Variants in DPP6 observed in about 807,000 individuals in gnomAD.
The protein encoded by DPP6 is dipeptidyl peptidase like 6, also known as A-type potassium channel modulatory protein DPP6.
A neutral mutation model predicts 122.6 loss-of-function variants in DPP6; 69 were observed. The ratio of observed to expected loss-of-function variants is 0.56; its 90% CI spans 0.46 to 0.69. The LOEUF (loss-of-function observed/expected upper bound fraction) is 0.69, where lower values mean the gene tolerates loss of function less well. Among genes scored for constraint, DPP6 ranks in the 30% least tolerant of loss-of-function variants. The probability of loss-of-function intolerance (pLI) is 0.00; values close to 1 mark genes in which losing one functional copy is unlikely to be tolerated. For synonymous variants in DPP6, 418 were observed against 433.1 expected, an observed-to-expected ratio of 0.97 and a Z score of 0.43; for missense variants, 928 against 1,116.9, an observed-to-expected ratio of 0.83 and a Z score of 2.41.
intron 1 of DPP6, among the ~76,000 whole-genome samples, chr7:154,399,055 GCA>G (rs1209498313): frequency 6.6e-6 from 1 of 152,148 alleles, no homozygotes; most frequent in Admixed American, 6.5e-5. Context: ...ACAATGAATA[GCA>G]TATTTAAAAC....
At chr7:154,132,270 C>T (rs1353394784) in intron 1 of DPP6, among the ~76,000 whole-genome samples, 2 of 152,162 alleles carry the variant, frequency 1.3e-5, no homozygotes, top group Non-Finnish European at 2.9e-5. Context: ...TTTCCCTTGG[C>T]TCGCTAAATA....
At chr7:153,778,072 G>A in the DPP6 span, among the ~76,000 whole-genome samples, 1 of 148,984 alleles carries the variant, frequency 6.7e-6, no homozygotes, top group Non-Finnish European at 1.5e-5. Context: ...AAAGAATAGA[G>A]CAAAATGTTA....
chr7:154,413,005 A>G (rs981858057), intron 1 of DPP6, among the ~76,000 whole-genome samples: 7 of 152,246 alleles, frequency 4.6e-5, no homozygotes, highest in African/African-American at 1.7e-4. Context: ...AAGAGGCATC[A>G]GCATCCCCTG....
chr7:154,562,277 G>A (rs545364538), intron 4 of DPP6, among the ~76,000 whole-genome samples: 1 of 152,070 alleles, frequency 6.6e-6, no homozygotes, highest in Non-Finnish European at 1.5e-5. Flanking sequence ...AGCATGCAAG[G>A]TTGGTTTAAC....
chr7:153,949,446 C>A (rs1245030711), intron 1 of DPP6, among the ~76,000 whole-genome samples: 1 of 152,204 alleles, frequency 6.6e-6, no homozygotes, highest in Non-Finnish European at 1.5e-5. Context: ...GGTGCTGGCA[C>A]TGCTTTCAGA....
the DPP6 span, among the ~76,000 whole-genome samples, chr7:153,866,312 C>G: frequency 2.0e-5 from 3 of 152,298 alleles, no homozygotes; most frequent in Non-Finnish European, 2.9e-5. Context: ...TCTCCAGCAC[C>G]TGTTGTTTCC....
intron 17 of DPP6, among the ~76,000 whole-genome samples, chr7:154,859,945 T>A (rs1803222997): frequency 6.6e-6 from 1 of 152,172 alleles, no homozygotes; most frequent in South Asian, 2.1e-4. Context: ...CTACACTGGC[T>A]GACAGCACCC....
intron 1 of DPP6, among the ~76,000 whole-genome samples, chr7:154,358,593 C>T (rs915081657): frequency 6.6e-6 from 1 of 152,140 alleles, no homozygotes; most frequent in Admixed American, 6.5e-5. Context: ...CCTAGGACCT[C>T]TGGGAGAGTT....
intron 17 of DPP6, chr7:154,865,415 A>C (rs1803777420): frequency 6.6e-6 from 1 of 152,210 alleles, no homozygotes; most frequent in African/African-American, 2.4e-5. Context: ...AGATCGAGGC[A>C]CTGGTCTCCT....
At chr7:153,903,586 A>G (rs749909556) in intron 1 of DPP6, among the ~76,000 whole-genome samples, 8 of 152,192 alleles carry the variant, frequency 5.3e-5, no homozygotes, top group Non-Finnish European at 8.8e-5. Flanking sequence ...TTGCTAGACA[A>G]CAAGGATACT....
At position 154,109,843 on chromosome 7, in the gene DPP6, A is replaced by AG. The variant is rs1390124313; in HGVS notation, c.243+56784dup. On this transcript the variant is annotated intron_variant, in intron 1 of 25. Transcript: ENST00000377770. Reference sequence around the variant, plus strand: ...CGTGTTATGATTGTAGAACAAGGAGAGGGGACCCTCCAGTACTCAGTGTCT... The same window carrying AG: ...CGTGTTATGATTGTAGAACAAGGAGAGGGGGACCCTCCAGTACTCAGTGTCT... Among the ~76,000 whole-genome samples the AG allele has an allele frequency of 7.9e-5, 11 of 139,964 alleles. No homozygotes were observed. The East Asian group carries it at 2.3e-3, about 29-fold the overall frequency. 91.8% of individuals were successfully genotyped at this position (139,964 alleles called of 152,430 possible). A position where few individuals can be genotyped will look rare whatever the true frequency, so the allele number is the denominator to read the frequency against.
chr7:153,827,964 C>T, the DPP6 span, among the ~76,000 whole-genome samples: 6 of 152,272 alleles, frequency 3.9e-5, no homozygotes, highest in South Asian at 2.1e-4. Context: ...TCGGAGATAA[C>T]GAGGCCCCTG....
chr7:153,790,001 C>T, the DPP6 span, among the ~76,000 whole-genome samples: 1 of 151,558 alleles, frequency 6.6e-6, no homozygotes, highest in Non-Finnish European at 1.5e-5. Context: ...AATTAGTTAA[C>T]TACAAAATGA....
At chr7:154,320,744 C>T (rs796152153) in intron 1 of DPP6, among the ~76,000 whole-genome samples, 10 of 152,278 alleles carry the variant, frequency 6.6e-5, no homozygotes, top group African/African-American at 2.4e-4. Context: ...CCTCAACCTC[C>T]CAACGTGCTG....
intron 1 of DPP6, among the ~76,000 whole-genome samples, chr7:154,148,556 C>G (rs1426782258): frequency 6.6e-6 from 1 of 151,992 alleles, no homozygotes. Flanking sequence ...GATCTAGAGA[C>G]CCCCAGAGCT....
intron 1 of DPP6, among the ~76,000 whole-genome samples, chr7:154,130,837 A>G (rs1466969444): frequency 6.6e-6 from 1 of 152,118 alleles, no homozygotes; most frequent in East Asian, 1.9e-4. Context: ...AAAATAAAGC[A>G]AGAGTAGCCC....
At chr7:154,306,430 A>G (rs1186223800) in intron 1 of DPP6, among the ~76,000 whole-genome samples, 2 of 152,204 alleles carry the variant, frequency 1.3e-5, no homozygotes, top group African/African-American at 2.4e-5. Context: ...TAGATTCACA[A>G]AGCAGTTTGC....
chr7:153,767,503 G>A, the DPP6 span, among the ~76,000 whole-genome samples: 3 of 150,840 alleles, frequency 2.0e-5, no homozygotes, highest in Non-Finnish European at 4.4e-5. Context: ...GAGTAGCTGG[G>A]ATTACAGGTG....
chr7:154,458,302 G>A (rs1820979144), intron 2 of DPP6, among the ~76,000 whole-genome samples: 2 of 152,180 alleles, frequency 1.3e-5, no homozygotes, highest in Admixed American at 1.3e-4. Context: ...ATAAAAGGCA[G>A]TTCCCCTGCA....
Sources: gnomAD v4.1 joint callset for allele counts (sites outside exome capture counted in the v4.1 genomes callset) on GRCh38, gnomAD v4.1.1 for gene constraint, MANE v1.5 for transcripts, NCBI Gene and HGNC (gene_info 2026-07-23, HGNC 2026-07-21) for gene names.